Variants in CMIP observed in about 807,000 individuals in gnomAD.
CMIP encodes the protein C-Maf-inducing protein.
In CMIP, 13 loss-of-function variants were observed where a neutral mutation model predicts 97.3. The observed-to-expected ratio is 0.13, with a 90% CI of 0.09 to 0.21. CMIP has a LOEUF of 0.21. Ranked by LOEUF, CMIP falls within the 10% of genes least tolerant of loss-of-function variation. The pLI, the probability that CMIP is intolerant of heterozygous loss-of-function variation, is 1.00. For missense variants in CMIP, 847 were observed against 1,024.9 expected (o/e 0.83, Z 2.37); for synonymous variants, 538 against 436.3 (o/e 1.23, Z -2.91).
intron 3 of CMIP, among the ~76,000 whole-genome samples, chr16:81,622,689 A>G (rs372055204): frequency 1.8e-4 from 28 of 152,208 alleles, no homozygotes; most frequent in African/African-American, 5.5e-4. Context: ...ATGAGTATCA[A>G]TGAAGGCTGT....
At chr16:81,664,556 C>T in intron 7 of CMIP, 1 of 581,334 alleles carries the variant, frequency 1.7e-6, no homozygotes, top group Admixed American at 3.1e-5. Context: ...AATCTTTTTG[C>T]AGTTCCTAAG....
chr16:81,593,760 C>T (rs1011657166), intron 1 of CMIP, among the ~76,000 whole-genome samples: 3 of 152,158 alleles, frequency 2.0e-5, no homozygotes, highest in African/African-American at 7.2e-5. Context: ...TGCTTTCTCA[C>T]AGCTACACTC....
At chr16:81,615,337 GTC>G (rs1247008083) in intron 2 of CMIP, among the ~76,000 whole-genome samples, 1 of 147,880 alleles carries the variant, frequency 6.8e-6, no homozygotes, top group Non-Finnish European at 1.5e-5. Context: ...TGGTGTATGT[GTC>G]TTTGTGTGTG....
intron 2 of CMIP, among the ~76,000 whole-genome samples, chr16:81,610,133 G>A (rs772851662): frequency 1.3e-5 from 2 of 152,194 alleles, no homozygotes; most frequent in Non-Finnish European, 2.9e-5. Context: ...GGGCAGCCCT[G>A]GCCTCCAAAG....
chr16:81,641,348 G>T (rs575767271), intron 3 of CMIP, among the ~76,000 whole-genome samples: 1 of 151,636 alleles, frequency 6.6e-6, no homozygotes, highest in South Asian at 2.1e-4. Flanking sequence ...CAACACATCG[G>T]AGGAACAGAT....
At chr16:81,546,615 C>G (rs1010837991) in intron 1 of CMIP, among the ~76,000 whole-genome samples, 3 of 152,192 alleles carry the variant, frequency 2.0e-5, no homozygotes, top group African/African-American at 7.2e-5. Flanking sequence ...GTGTCTCCTG[C>G]CTGCAGGTAG....
chr16:81,465,423 C>T lies in CMIP; in HGVS notation c.300+19882C>T, dbSNP rs117849287. On this transcript the variant is annotated intron_variant, in intron 1 of 20. Transcript: ENST00000537098. ...GCGTCCTTGATAGGGGCAGGATGCA[C>T]CCCGTGTCTGACGCTGTGTCCTGCT... Among the ~76,000 whole-genome samples, 172 of 152,276 alleles carry T rather than the reference C, an allele frequency of 1.1e-3. 1 individual carries two copies. In the East Asian group the frequency reaches 0.027, roughly 24 times the overall value.
At chr16:81,703,572 C>G (rs562402882) in intron 17 of CMIP, among the ~76,000 whole-genome samples, 1 of 151,246 alleles carries the variant, frequency 6.6e-6, no homozygotes, top group East Asian at 1.9e-4. Flanking sequence ...AACGTGCACA[C>G]AGACACACAC....
rs542152219 is a variant in CMIP, at chr16:81,531,657, C to T, written c.301-75910C>T. ...GAGGGGCAAGCCTGGGCCTGCCGCCCGACCTTTGCTTGGAGAACTGGGTTC... is the reference window on the plus strand; with the variant it reads ...GAGGGGCAAGCCTGGGCCTGCCGCCTGACCTTTGCTTGGAGAACTGGGTTC... On this transcript the variant is annotated intron_variant, in intron 1 of 20. Coordinates refer to ENST00000537098, the MANE Select transcript of CMIP (RefSeq NM_198390.3). 2.6e-5 allele frequency among the ~76,000 whole-genome samples: 4 copies of T among 152,328 alleles called. No individual in the cohort carries two copies. The East Asian group carries it at 5.8e-4, about 22-fold the overall frequency.
chr16:81,621,227 G>C lies in CMIP; in HGVS notation c.477+301G>C. 1 of 252,826 alleles carries C rather than the reference G, an allele frequency of 4.0e-6. No homozygotes were observed. The highest frequency in any genetic ancestry group is 8.5e-5 in the South Asian group (1 of 11,702). The allele number at this position is 252,826 out of a possible 1,614,324, so 15.7% of individuals were successfully genotyped here. On this transcript the variant is annotated intron_variant, in intron 3 of 20. Transcript: ENST00000537098. This position sits in a 1 kb window ranked among gnomAD's most constrained non-coding sequence, Gnocchi z 4.1. ...CAGAGTGAGGGCGACCCTGAGGGGA[G>C]TCCAGCCGGGGAGGCTGGACTTCAG...
At chr16:81,519,241 G>C (rs2089974619) in intron 1 of CMIP, 1 of 152,252 alleles carries the variant, frequency 6.6e-6, no homozygotes, top group Non-Finnish European at 1.5e-5. Flanking sequence ...TGAGGCTACA[G>C]TGAGCTGTGA....
intron 1 of CMIP, among the ~76,000 whole-genome samples, chr16:81,554,423 G>T (rs1597551762): frequency 6.6e-6 from 1 of 152,216 alleles, no homozygotes; most frequent in East Asian, 1.9e-4. Context: ...CTACTTCTCA[G>T]AACTGTGTGC....
chr16:81,593,651 G>A (rs1567599386), intron 1 of CMIP, among the ~76,000 whole-genome samples: 2 of 152,114 alleles, frequency 1.3e-5, no homozygotes, highest in Non-Finnish European at 2.9e-5. Flanking sequence ...TGTATTGAGT[G>A]CCCGCCGACC....
intron 7 of CMIP, among the ~76,000 whole-genome samples, chr16:81,668,051 G>A (rs1332583022): frequency 2.0e-5 from 3 of 152,188 alleles, no homozygotes; most frequent in Non-Finnish European, 1.5e-5. Context: ...TGGTAGGAAC[G>A]GGTTCCACTC....
At chr16:81,485,926 G>C (rs2089307170) in intron 1 of CMIP, among the ~76,000 whole-genome samples, 2 of 152,178 alleles carry the variant, frequency 1.3e-5, no homozygotes, top group African/African-American at 4.8e-5. Flanking sequence ...CCTGGATTCT[G>C]CCACTTCCCC....
chr16:81,700,143 C>T (rs1319445447), intron 15 of CMIP, among the ~76,000 whole-genome samples: 1 of 152,158 alleles, frequency 6.6e-6, no homozygotes, highest in Non-Finnish European at 1.5e-5. Flanking sequence ...CGCAGCTACG[C>T]ACTTCTCACC....
rs140738563 is a variant in CMIP at position 81,462,179 on chromosome 16, TG to T, written c.300+16639del. On this transcript the variant is annotated intron_variant, in intron 1 of 20. Coordinates refer to ENST00000537098, the MANE Select transcript of CMIP (RefSeq NM_198390.3). ...TTCTTGTGTCTGGGTGGATGGTCAG[TG>T]AGTCCTTTGTCACAGTCACCAAAAA... Among the ~76,000 whole-genome samples the T allele has an allele frequency of 4.8e-3, 736 of 152,350 alleles. 8 individuals carry two copies. Among genetic ancestry groups the T allele is most frequent in the African/African-American group, 0.016 (667 of 41,586 alleles).
At position 81,660,816 on chromosome 16, in the gene CMIP, G is replaced by A. The variant is rs2092537205; in HGVS notation, c.682-68G>A. The A allele has an allele frequency of 4.5e-6, 7 of 1,548,162 alleles. No homozygotes were observed. In the Admixed American group the frequency reaches 1.2e-4, roughly 26 times the overall value. ...TTTTTTCACTTCACAATATGGCCTG[G>A]AGATTGTTCGAAGTCTTTCCGTGGC... On this transcript the variant is annotated intron_variant, in intron 5 of 20. Coordinates refer to ENST00000537098, the MANE Select transcript of CMIP (RefSeq NM_198390.3).
Position 81,524,503 on chromosome 16 carries a change from T to C in CMIP, c.300+78962T>C, listed in dbSNP as rs142747425. On this transcript the variant is annotated intron_variant, in intron 1 of 20. Transcript: ENST00000537098. ...CTAAGCTCGTGGGGTTATCTGGAAG[T>C]CTTGGTGAGACAGTGTCTGCAAAAT... Among the ~76,000 whole-genome samples the C allele has an allele frequency of 4.3e-4, 65 of 152,364 alleles. No homozygotes were observed. In the East Asian group the frequency reaches 0.011, roughly 27 times the overall value.
Sources: allele counts gnomAD v4.1 joint callset (sites outside exome capture counted in the v4.1 genomes callset), GRCh38; gene constraint gnomAD v4.1.1; non-coding constraint Gnocchi (gnomAD v3.1); transcripts MANE v1.5; gene names NCBI Gene and HGNC (gene_info 2026-07-23, HGNC 2026-07-21).